The following KCNAB1 variants were observed in gnomAD, a reference collection of about 807,000 sequenced individuals.
The protein encoded by KCNAB1 is potassium voltage-gated channel subfamily A regulatory beta subunit 1, also known as voltage-gated potassium channel subunit beta-1.
A neutral mutation model predicts 64.6 loss-of-function variants in KCNAB1; 35 were observed. That is an observed-to-expected ratio of 0.54 (90% CI 0.41 to 0.72). KCNAB1 has a LOEUF of 0.72. KCNAB1 is among the 30% of genes least tolerant of loss of function. KCNAB1 has a pLI of 0.00. For missense variants in KCNAB1, 401 were observed against 512.9 expected (o/e 0.78, Z 2.11); for synonymous variants, 177 against 183.8 (o/e 0.96, Z 0.30).
chr3:156,454,292 A>G (rs1712224269), intron 3 of KCNAB1, among the ~76,000 whole-genome samples: 1 of 152,162 alleles, frequency 6.6e-6, no homozygotes, highest in Non-Finnish European at 1.5e-5. Context: ...AGCCTCAACA[A>G]TGACCTCAGC....
In KCNAB1 at chr3:156,329,945, G is replaced by A. The variant is rs537211078; in HGVS notation, c.276-91671G>A. On this transcript the variant is annotated intron_variant, in intron 1 of 13. Transcript: ENST00000490337. Reference sequence around the variant, plus strand: ...GCTCAGAGTTTATAATCAACCCCACGGAAAATGGGGTAAATAGAGAAAGGA... The same window carrying A: ...GCTCAGAGTTTATAATCAACCCCACAGAAAATGGGGTAAATAGAGAAAGGA... Among the ~76,000 whole-genome samples the A allele has an allele frequency of 6.6e-5, 10 of 152,180 alleles. No homozygotes were observed. In the South Asian group the frequency reaches 1.7e-3, roughly 25 times the overall value.
rs142691054 is a variant in KCNAB1, at chr3:156,465,325, G to T, written c.528-318G>T. ...CAAGCCTTTTTATTTTCTCTAGATT[G>T]GTTAAGAACAAGGTGAAAAGGTCGT... On this transcript the variant is annotated intron_variant, in intron 6 of 13. Transcript: ENST00000490337. 6.5e-4 allele frequency among the ~76,000 whole-genome samples: 99 copies of T among 152,252 alleles called. 1 individual carries two copies. The East Asian group carries it at 0.018, about 27-fold the overall frequency.
intron 3 of KCNAB1, chr3:156,455,950 C>CA (rs1341741155): frequency 6.6e-6 from 1 of 152,384 alleles, no homozygotes; most frequent in Non-Finnish European, 1.5e-5. Context: ...CTGAGCAACT[C>CA]ACTCGTAGGC....
chr3:156,500,404 G>A (rs1445696351), intron 8 of KCNAB1, among the ~76,000 whole-genome samples: 2 of 152,022 alleles, frequency 1.3e-5, no homozygotes, highest in Non-Finnish European at 2.9e-5. Flanking sequence ...TTCCAATTGA[G>A]TTTTCAATAA....
intron 1 of KCNAB1, among the ~76,000 whole-genome samples, chr3:156,420,326 T>C (rs1482571634): frequency 6.6e-6 from 1 of 152,256 alleles, no homozygotes; most frequent in Admixed American, 6.5e-5. Context: ...GTCACCCAAC[T>C]AGTTGTGACA....
intron 1 of KCNAB1, among the ~76,000 whole-genome samples, chr3:156,266,876 A>G (rs980582181): frequency 1.3e-5 from 2 of 152,130 alleles, no homozygotes; most frequent in African/African-American, 4.8e-5. Flanking sequence ...TTTATCCCAC[A>G]TTACTAGATG....
rs144159048 is a variant in KCNAB1 at position 156,376,951 on chromosome 3, G to A, written c.276-44665G>A. On this transcript the variant is annotated intron_variant, in intron 1 of 13. Transcript: ENST00000490337. ...AGGGATATGCTTTTCCCATTTAGGAGTGGGACTCTTATTTTGTGTCAAACA... is the reference window on the plus strand; with the variant it reads ...AGGGATATGCTTTTCCCATTTAGGAATGGGACTCTTATTTTGTGTCAAACA... Among the ~76,000 whole-genome samples the A allele has an allele frequency of 5.3e-4, 81 of 152,264 alleles. 1 individual carries two copies. Among genetic ancestry groups the A allele is most frequent in the Non-Finnish European group, 9.6e-4 (65 of 68,016 alleles).
chr3:156,516,435 T>G, intron 11 of KCNAB1, 71 bp downstream of exon 11: 12 of 1,100,822 alleles, frequency 1.1e-5, no homozygotes, highest in African/African-American at 1.5e-5. Context: ...AGAACAGCTC[T>G]GCAGCAGCCT....
chr3:156,163,243 C>T (rs1340399789), intron 1 of KCNAB1, among the ~76,000 whole-genome samples: 1 of 152,138 alleles, frequency 6.6e-6, no homozygotes, highest in Non-Finnish European at 1.5e-5. Flanking sequence ...ATAAAACAGC[C>T]TCATCATCCA....
At chr3:156,454,832 T>A (rs1159342236) in intron 3 of KCNAB1, among the ~76,000 whole-genome samples, 1 of 152,182 alleles carries the variant, frequency 6.6e-6, no homozygotes. Context: ...GTAAAGTGCA[T>A]TATTTCCCCC....
chr3:156,153,686 T>C (rs1428163985), intron 1 of KCNAB1, among the ~76,000 whole-genome samples: 1 of 152,238 alleles, frequency 6.6e-6, no homozygotes, highest in African/African-American at 2.4e-5. Context: ...GCCTGATTGT[T>C]GGATCTGAGA....
intron 1 of KCNAB1, among the ~76,000 whole-genome samples, chr3:156,379,999 G>A (rs1200520443): frequency 6.6e-6 from 1 of 152,194 alleles, no homozygotes; most frequent in East Asian, 1.9e-4. Context: ...CTAGAAGGAT[G>A]TGGCTGCTCT....
chr3:156,466,459 CAT>C (rs752880932), intron 7 of KCNAB1, among the ~76,000 whole-genome samples: 76 of 151,940 alleles, frequency 5.0e-4, no homozygotes, highest in Admixed American at 8.6e-4. Flanking sequence ...TTTGTGTAGA[CAT>C]ATGTTAAGAC....
intron 1 of KCNAB1, among the ~76,000 whole-genome samples, chr3:156,358,363 G>A (rs1036606921): frequency 6.6e-6 from 1 of 152,156 alleles, no homozygotes. Context: ...ACAGCAAGAA[G>A]GGAAGGAGAA....
At chr3:156,317,673 G>A (rs140714939) in intron 1 of KCNAB1, among the ~76,000 whole-genome samples, 50 of 152,220 alleles carry the variant, frequency 3.3e-4, no homozygotes, top group Non-Finnish European at 5.1e-4. Flanking sequence ...GCAGGAAAAG[G>A]CAGAAGGGAA....
intron 8 of KCNAB1, among the ~76,000 whole-genome samples, chr3:156,492,766 G>C (rs1388529048): frequency 2.0e-5 from 3 of 152,116 alleles, no homozygotes; most frequent in Non-Finnish European, 4.4e-5. Flanking sequence ...ATATATGAGA[G>C]GAAGCTAAAG....
intron 1 of KCNAB1, among the ~76,000 whole-genome samples, chr3:156,270,814 T>C (rs1718995171): frequency 6.6e-6 from 1 of 152,226 alleles, no homozygotes; most frequent in Admixed American, 6.5e-5. Flanking sequence ...TGCTCATTGA[T>C]ATCTTTTTCA....
At chr3:156,279,911 G>C (rs1319392470) in intron 1 of KCNAB1, among the ~76,000 whole-genome samples, 1 of 149,102 alleles carries the variant, frequency 6.7e-6, no homozygotes, top group Non-Finnish European at 1.5e-5. Flanking sequence ...CTCCCATTTT[G>C]TAGGTTGCCT....
chr3:156,211,782 C>T (rs536706213), intron 1 of KCNAB1, among the ~76,000 whole-genome samples: 13 of 152,332 alleles, frequency 8.5e-5, no homozygotes, highest in African/African-American at 2.9e-4. Context: ...AGGGATATGT[C>T]TATCTATGTG....
Sources: allele counts gnomAD v4.1 joint callset (sites outside exome capture counted in the v4.1 genomes callset), GRCh38; gene constraint gnomAD v4.1.1; transcripts MANE v1.5; gene names NCBI Gene and HGNC (gene_info 2026-07-23, HGNC 2026-07-21).